Variants in ODF2 observed in about 807,000 individuals in gnomAD.
The protein encoded by ODF2 is outer dense fiber of sperm tails 2.
In ODF2, 47 loss-of-function variants were observed where a neutral mutation model predicts 110.2. That is an observed-to-expected ratio of 0.43 (90% CI 0.34 to 0.54). The LOEUF (loss-of-function observed/expected upper bound fraction) is 0.54. Among genes scored for constraint, ODF2 ranks in the 20% least tolerant of loss-of-function variants. ODF2 has a pLI of 0.03. For synonymous variants in ODF2, 352 were observed against 397.7 expected (o/e 0.89, Z 1.37); for missense variants, 812 against 1,054.5 (o/e 0.77, Z 3.19).
chr9:128,497,193 G>A (rs1845689202), intron 18 of ODF2, among the ~76,000 whole-genome samples: 2 of 151,376 alleles, frequency 1.3e-5, no homozygotes, highest in Admixed American at 1.3e-4. Flanking sequence ...AGCTTGGGGA[G>A]GAGTTAAGTG....
At chr9:128,463,439 C>T (rs1236276179) in intron 4 of ODF2, among the ~76,000 whole-genome samples, 1 of 152,102 alleles carries the variant, frequency 6.6e-6, no homozygotes, top group African/African-American at 2.4e-5. Flanking sequence ...GGCAACACGA[C>T]GAGACCCTGC....
chr9:128,494,903 T>G lies in ODF2; in HGVS notation c.1911+235T>G. 37 of 1,354,548 alleles carry G rather than the reference T, an allele frequency of 2.7e-5. No individual in the cohort carries two copies. Among genetic ancestry groups the G allele is most frequent in the Non-Finnish European group, 3.4e-5 (35 of 1,022,638 alleles). 83.9% of individuals were successfully genotyped at this position (1,354,548 alleles called of 1,614,324 possible). A position where few individuals can be genotyped will look rare whatever the true frequency, so the allele number is the denominator to read the frequency against. ...TCACTTGCGTGGAGTCACTGGGCCCTCCTGCTGTTGCCCCCACCCAAGACT... is the reference window on the plus strand; with the variant it reads ...TCACTTGCGTGGAGTCACTGGGCCCGCCTGCTGTTGCCCCCACCCAAGACT... On this transcript the variant is annotated intron_variant, in intron 17 of 20. Coordinates refer to ENST00000604420, the Ensembl canonical transcript of ODF2. This position sits in a 1 kb window ranked among gnomAD's most constrained non-coding sequence, Gnocchi z 4.6.
chr9:128,479,190 G>A (rs537957170), intron 8 of ODF2, among the ~76,000 whole-genome samples: 15 of 152,306 alleles, frequency 9.8e-5, no homozygotes, highest in South Asian at 2.1e-4. Context: ...TTGGGAACCA[G>A]AGAGCCCTTT....
At chr9:128,469,191 T>G (rs756138709) in exon 5 of ODF2, 35 of 1,613,810 alleles carry the variant, frequency 2.2e-5, no homozygotes, top group Admixed American at 1.7e-4. Flanking sequence ...AGAATCCACC[T>G]CATTGCCTGG....
chr9:128,479,161 C>T (rs1841943503), intron 8 of ODF2, among the ~76,000 whole-genome samples: 1 of 152,130 alleles, frequency 6.6e-6, no homozygotes, highest in South Asian at 2.1e-4. Context: ...TTTATCAGTT[C>T]CTAGGTGCCC....
At chr9:128,489,362 G>A (rs923175001) in intron 14 of ODF2, among the ~76,000 whole-genome samples, 1 of 152,126 alleles carries the variant, frequency 6.6e-6, no homozygotes, top group African/African-American at 2.4e-5. Context: ...AATATACTTT[G>A]TCCATCACTC....
exon 11 of ODF2, chr9:128,484,043 A>T: frequency 6.2e-7 from 1 of 1,610,472 alleles, no homozygotes; most frequent in Non-Finnish European, 8.5e-7. Context: ...TCGCCTGTGC[A>T]TGCAGATTAA....
intron 20 of ODF2, 24 bp downstream of exon 20, chr9:128,499,150 C>A (rs1846140789): frequency 1.9e-6 from 3 of 1,613,578 alleles, no homozygotes; most frequent in African/African-American, 2.7e-5. Flanking sequence ...GTGGGCCGGG[C>A]TAGGAGAGTG....
chr9:128,473,677 T>G (rs1486025108), exon 8 of ODF2: 2 of 1,613,720 alleles, frequency 1.2e-6, no homozygotes, highest in Non-Finnish European at 1.7e-6. Context: ...CTGCAGAAGC[T>G]GAGCACATTT....
rs1836091938 is a variant in ODF2 at position 128,460,318 on chromosome 9, C to T, written c.124-624C>T. On this transcript the variant is annotated intron_variant, in intron 3 of 20. Transcript: ENST00000604420. ...GGAACGGGTGGGTCTTGCAGACCCT[C>T]TCTTGAGTGGACCAGAATCTCCCTT... 2.1e-6 allele frequency: 3 copies of T among 1,420,010 alleles called. No individual in the cohort carries two copies. In the East Asian group the frequency reaches 9.8e-5, roughly 47 times the overall value. 88.0% of individuals were successfully genotyped at this position (1,420,010 alleles called of 1,614,324 possible). A position where few individuals can be genotyped will look rare whatever the true frequency, so the allele number is the denominator to read the frequency against.
exon 21 of ODF2, chr9:128,500,354 A>G: frequency 8.1e-7 from 1 of 1,229,580 alleles, no homozygotes; most frequent in Admixed American, 2.0e-5. Context: ...CTCCCAGTGA[A>G]AAAATGGGTT....
intron 10 of ODF2, 126 bp from the exon 11 acceptor site, chr9:128,483,810 CAA>C (rs1842869731): frequency 1.4e-6 from 1 of 723,600 alleles, no homozygotes; most frequent in Non-Finnish European, 2.5e-6. Context: ...CGCTGGAGCC[CAA>C]GAGGTGGAGG....
chr9:128,472,225 T>TCC (rs1481433753), intron 6 of ODF2, among the ~76,000 whole-genome samples: 1 of 152,104 alleles, frequency 6.6e-6, no homozygotes, highest in Non-Finnish European at 1.5e-5. Context: ...TCAAAATTTT[T>TCC]GAGATGGAGT....
intron 8 of ODF2, among the ~76,000 whole-genome samples, chr9:128,476,518 C>G (rs28705141): frequency 0.21 from 31,811 of 151,218 alleles, 3,526 homozygotes; most frequent in East Asian, 0.4. Flanking sequence ...GAACTCCTGA[C>G]CTCAGGTGAT....
chr9:128,492,555 C>T lies in ODF2; in HGVS notation c.1647+19C>T, dbSNP rs1844809280. On this transcript the variant is annotated intron_variant, in intron 15 of 20. Transcript: ENST00000604420. ...GAGTCAGGTAGGCCTCACTGGGGCC[C>T]TGGCCCTTCTGAGCAGTGCCCTCCC... The T allele has an allele frequency of 6.3e-7, 1 of 1,580,754 alleles. No individual in the cohort carries two copies. Among genetic ancestry groups the T allele is most frequent in the South Asian group, 1.1e-5 (1 of 89,408 alleles).
chr9:128,487,010 G>A (rs1009611553), intron 13 of ODF2, among the ~76,000 whole-genome samples: 2 of 152,124 alleles, frequency 1.3e-5, no homozygotes, highest in Admixed American at 1.3e-4. Context: ...CATGTCTCTG[G>A]TCCTTGCCTT....
In ODF2 at chr9:128,487,890, C is replaced by A. The variant is rs779322170; in HGVS notation, c.1401C>A (p.Asp467Glu). The change falls in exon 14 of 21, where the codon GAC becomes GAA. Residue 467 changes from aspartate (D) to glutamate (E), a missense_variant and splice_region_variant. Physicochemically the swap from Asp to Glu is conservative, Grantham distance 45. Around this residue, in one of 5 missense-constraint regions of ODF2, gnomAD observed 165 missense variants for 293.4 expected, o/e 0.56. Transcript: ENST00000604420. ...CTGCTTTCACTTTGTGATCTTCCAG[C>A]CGGGTAACAGATCTTGTAAACCAAC... The A allele has an allele frequency of 3.1e-6, 5 of 1,613,592 alleles. No homozygotes were observed. The African/African-American group carries it at 5.3e-5, about 17-fold the overall frequency.
intron 1 of ODF2, chr9:128,456,632 G>C: frequency 6.7e-7 from 1 of 1,496,328 alleles, no homozygotes; most frequent in Non-Finnish European, 8.9e-7. Context: ...TCTGCTGCCC[G>C]TCGGCGGCAT....
intron 3 of ODF2, chr9:128,460,025 G>T: frequency 1.4e-6 from 1 of 697,036 alleles, no homozygotes; most frequent in Non-Finnish European, 2.2e-6. Context: ...GTTTTCTTTA[G>T]AATCTAGACA....
Sources: allele counts gnomAD v4.1 joint callset (sites outside exome capture counted in the v4.1 genomes callset), GRCh38; gene constraint gnomAD v4.1.1; regional missense constraint gnomAD v4.1.1; non-coding constraint Gnocchi (gnomAD v3.1); transcripts MANE v1.5; gene names NCBI Gene and HGNC (gene_info 2026-07-23, HGNC 2026-07-21).